Variants in CPNE8 observed in about 807,000 individuals in gnomAD.
The protein encoded by CPNE8 is copine-8.
In CPNE8, 45 loss-of-function variants were observed where a neutral mutation model predicts 81.5. The ratio of observed to expected loss-of-function variants is 0.55; its 90% CI spans 0.44 to 0.71. The LOEUF is 0.71. Ranked by LOEUF, CPNE8 falls within the 30% of genes least tolerant of loss-of-function variation. The probability of loss-of-function intolerance (pLI) is 0.00; values close to 1 mark genes in which losing one functional copy is unlikely to be tolerated. For synonymous variants in CPNE8, 252 were observed against 226.3 expected (o/e 1.11, Z -1.02); for missense variants, 594 against 672.1 (o/e 0.88, Z 1.28).
intron 3 of CPNE8, among the ~76,000 whole-genome samples, chr12:38,850,308 T>G (rs988905070): frequency 9.2e-5 from 14 of 152,152 alleles, no homozygotes; most frequent in African/African-American, 3.4e-4. Flanking sequence ...TATCTGGATT[T>G]TTAACCCAAA....
Position 38,693,820 on chromosome 12 carries a change from G to T in CPNE8, c.980C>A (p.Thr327Asn). ...GTAAGGATTCATGTAGTGGAGGGAA[G>T]TGGGCTGAGCAGGGTTGCCTGATGA... ...TASNGNPAQPTSLHYMNPYQL... is the reference protein window; with the variant it reads ...TASNGNPAQPNSLHYMNPYQL... Residue 327 changes from threonine (T) to asparagine (N), a missense_variant, in exon 15 of 20, where the codon ACT becomes AAT. By Grantham distance (65) the Thr-to-Asn change is moderately conservative (BLOSUM62 0). Coordinates refer to ENST00000331366, the MANE Select transcript of CPNE8 (RefSeq NM_153634.3). 1 of 1,609,994 alleles carries T rather than the reference G, an allele frequency of 6.2e-7. No homozygotes were observed. The highest frequency in any genetic ancestry group is 8.5e-7 in the Non-Finnish European group (1 of 1,178,170).
intron 6 of CPNE8, among the ~76,000 whole-genome samples, chr12:38,822,312 A>G (rs1402527921): frequency 6.6e-6 from 1 of 152,172 alleles, no homozygotes; most frequent in Non-Finnish European, 1.5e-5. Flanking sequence ...CTGAAAACAG[A>G]CAAATAGTTT....
intron 3 of CPNE8, among the ~76,000 whole-genome samples, chr12:38,866,552 A>G (rs2137091760): frequency 6.6e-6 from 1 of 152,064 alleles, no homozygotes; most frequent in Non-Finnish European, 1.5e-5. Flanking sequence ...AAAATGAAAT[A>G]ATGTAATGAG....
At chr12:38,663,452 G>A (rs1939002032) in intron 19 of CPNE8, among the ~76,000 whole-genome samples, 1 of 152,020 alleles carries the variant, frequency 6.6e-6, no homozygotes, top group Non-Finnish European at 1.5e-5. Flanking sequence ...AAACCACAAT[G>A]AGATATCATC....
At chr12:38,761,179 G>A (rs562030151) in intron 9 of CPNE8, among the ~76,000 whole-genome samples, 88 of 152,208 alleles carry the variant, frequency 5.8e-4, no homozygotes, top group African/African-American at 1.9e-3. Flanking sequence ...CCACTTCTCC[G>A]CTCTTGAAAA....
chr12:38,764,331 T>C (rs1941633088), intron 8 of CPNE8, among the ~76,000 whole-genome samples: 1 of 151,972 alleles, frequency 6.6e-6, no homozygotes, highest in Admixed American at 6.5e-5. Context: ...TAAGAAAAAG[T>C]CATAGGCCGG....
At chr12:38,817,981 G>A (rs1943054988) in intron 6 of CPNE8, among the ~76,000 whole-genome samples, 1 of 152,070 alleles carries the variant, frequency 6.6e-6, no homozygotes, top group South Asian at 2.1e-4. Flanking sequence ...AGGCATGAAA[G>A]CCAAACACCC....
intron 13 of CPNE8, among the ~76,000 whole-genome samples, chr12:38,717,214 A>G (rs539079525): frequency 4.1e-4 from 63 of 151,858 alleles, no homozygotes; most frequent in African/African-American, 1.5e-3. Flanking sequence ...TACAACCACT[A>G]TGGAAAACAG....
intron 13 of CPNE8, among the ~76,000 whole-genome samples, chr12:38,704,680 T>C (rs1565575464): frequency 6.6e-6 from 1 of 151,718 alleles, no homozygotes; most frequent in Non-Finnish European, 1.5e-5. Flanking sequence ...CTGTGGCTGA[T>C]TGGGAGCTGT....
intron 1 of CPNE8, among the ~76,000 whole-genome samples, chr12:38,877,436 G>A (rs1944083514): frequency 1.3e-5 from 2 of 151,902 alleles, no homozygotes; most frequent in African/African-American, 4.8e-5. Context: ...ATCTGCTTGA[G>A]CTAGGATGCC....
chr12:38,791,433 A>C (rs1319364904), intron 6 of CPNE8, among the ~76,000 whole-genome samples: 1 of 151,672 alleles, frequency 6.6e-6, no homozygotes, highest in Non-Finnish European at 1.5e-5. Flanking sequence ...GGCTAAGGTA[A>C]TTATTAAAAC....
chr12:38,763,891 C>A (rs1416961406), intron 8 of CPNE8, among the ~76,000 whole-genome samples: 1 of 151,326 alleles, frequency 6.6e-6, no homozygotes, highest in African/African-American at 2.4e-5. Flanking sequence ...AAATATCCCC[C>A]CTTTGATAAG....
intron 13 of CPNE8, among the ~76,000 whole-genome samples, chr12:38,719,584 GAAAA>G (rs34008352): frequency 8.1e-6 from 1 of 124,192 alleles, no homozygotes; most frequent in Non-Finnish European, 1.7e-5. Flanking sequence ...ATTGTCTCAG[GAAAA>G]AAAAAAAAAA....
At chr12:38,848,185 A>C (rs1943587059) in intron 4 of CPNE8, among the ~76,000 whole-genome samples, 1 of 152,218 alleles carries the variant, frequency 6.6e-6, no homozygotes, top group Non-Finnish European at 1.5e-5. Flanking sequence ...ATAGTTAGGC[A>C]GAGATCCAGG....
chr12:38,708,367 G>T (rs555834190), intron 13 of CPNE8, among the ~76,000 whole-genome samples: 1 of 130,536 alleles, frequency 7.7e-6, no homozygotes, highest in Non-Finnish European at 1.7e-5. Flanking sequence ...AAAATCAATC[G>T]TGTCAAAGTA....
At chr12:38,667,626 G>A (rs59239625) in intron 19 of CPNE8, among the ~76,000 whole-genome samples, 5,312 of 152,172 alleles carry the variant, frequency 0.035, 286 homozygotes, top group African/African-American at 0.12. Flanking sequence ...TAATTTCCTA[G>A]GGACATTTTA....
At chr12:38,834,063 G>A (rs78212234) in intron 5 of CPNE8, among the ~76,000 whole-genome samples, 1,892 of 152,218 alleles carry the variant, frequency 0.012, 46 homozygotes, top group African/African-American at 0.043. Context: ...CTATATCAAG[G>A]ACTGATTTCT....
chr12:38,797,813 C>A (rs774010279), intron 6 of CPNE8, among the ~76,000 whole-genome samples: 1 of 151,954 alleles, frequency 6.6e-6, no homozygotes, highest in Non-Finnish European at 1.5e-5. Context: ...AAAATTTAGA[C>A]GAATGTATAA....
At chr12:38,690,189 G>A (rs1446374125) in intron 15 of CPNE8, among the ~76,000 whole-genome samples, 2 of 152,142 alleles carry the variant, frequency 1.3e-5, no homozygotes, top group South Asian at 2.1e-4. Flanking sequence ...ATGGAAATAC[G>A]AGGGTTTATT....
Sources: allele counts gnomAD v4.1 joint callset (sites outside exome capture counted in the v4.1 genomes callset), GRCh38; gene constraint gnomAD v4.1.1; transcripts MANE v1.5; gene names NCBI Gene and HGNC (gene_info 2026-07-23, HGNC 2026-07-21).